The following GLIS3 variants were observed in gnomAD, a reference collection of about 807,000 sequenced individuals.
GLIS3 encodes the protein GLIS family zinc finger 3.
Under a neutral mutation model 78.6 loss-of-function variants are expected in GLIS3, and 53 were observed. The observed-to-expected ratio is 0.67, with a 90% confidence interval of 0.54 to 0.85. The LOEUF (loss-of-function observed/expected upper bound fraction) is 0.85, where lower values mean the gene tolerates loss of function less well. GLIS3 is among the 40% of genes least tolerant of loss of function. The pLI is 0.00. For missense variants in GLIS3, 1,703 were observed against 1,231.1 expected, an observed-to-expected ratio of 1.38 and a Z score of -5.74; for synonymous variants, 684 against 509.9, an observed-to-expected ratio of 1.34 and a Z score of -4.60.
chr9:4,282,564 C>G (rs530736556), intron 2 of GLIS3, among the ~76,000 whole-genome samples: 2 of 152,068 alleles, frequency 1.3e-5, no homozygotes, highest in African/African-American at 4.8e-5. Context: ...GATCTTGAGC[C>G]TGGCAGCCTT....
In GLIS3 at chr9:4,298,127, G is replaced by C. The variant is rs374635247; in HGVS notation, c.-99+1294C>G. ...TGCAACTCGCTCCTGAGTGAGTCGG[G>C]GGCCGAAAGGGTGCTGCGGCTGGGA... On this transcript the variant is annotated intron_variant, in intron 1 of 10. Coordinates refer to ENST00000381971, the MANE Select transcript of GLIS3 (RefSeq NM_001042413.2). Among the ~76,000 whole-genome samples, 150 of 152,234 alleles carry C rather than the reference G, an allele frequency of 9.9e-4. 1 individual carries two copies. The highest frequency in any genetic ancestry group is 1.4e-3 in the East Asian group (7 of 5,162).
intron 2 of GLIS3, among the ~76,000 whole-genome samples, chr9:4,210,934 T>G (rs940102039): frequency 1.3e-5 from 2 of 152,202 alleles, no homozygotes; most frequent in African/African-American, 4.8e-5. Context: ...CCTGACAGCT[T>G]TAGCTCCATG....
At chr9:4,080,401 G>A (rs1052022279) in intron 4 of GLIS3, among the ~76,000 whole-genome samples, 2 of 152,022 alleles carry the variant, frequency 1.3e-5, no homozygotes, top group African/African-American at 4.8e-5. Context: ...AAAACATTTT[G>A]ATGCAGTATT....
At chr9:4,155,363 T>C (rs769850360) in intron 2 of GLIS3, among the ~76,000 whole-genome samples, 7 of 152,216 alleles carry the variant, frequency 4.6e-5, no homozygotes, top group Non-Finnish European at 1.0e-4. Context: ...ACCCATTACA[T>C]GGCGCATTTT....
At chr9:4,385,609 G>A in the GLIS3 span, among the ~76,000 whole-genome samples, 1 of 144,156 alleles carries the variant, frequency 6.9e-6, no homozygotes, top group Non-Finnish European at 1.5e-5. Context: ...AGGTTTCAGT[G>A]AGCTGAGATC....
the GLIS3 span, among the ~76,000 whole-genome samples, chr9:4,436,984 A>C: frequency 6.6e-6 from 1 of 152,142 alleles, no homozygotes; most frequent in Non-Finnish European, 1.5e-5. Context: ...CTAAATCCAC[A>C]TAATAAAGAG....
intron 1 of GLIS3, among the ~76,000 whole-genome samples, chr9:4,294,764 G>A (rs570867093): frequency 8.5e-5 from 13 of 152,208 alleles, no homozygotes; most frequent in African/African-American, 2.4e-4. Context: ...TACACAGATT[G>A]TTTTACACCT....
At chr9:3,870,073 G>C (rs149425498) in intron 8 of GLIS3, among the ~76,000 whole-genome samples, 1 of 152,186 alleles carries the variant, frequency 6.6e-6, no homozygotes. Flanking sequence ...ACTGGTTTGG[G>C]TAGAGCTAAA....
intron 4 of GLIS3, among the ~76,000 whole-genome samples, chr9:4,025,932 A>G (rs946510701): frequency 1.3e-5 from 2 of 152,204 alleles, no homozygotes; most frequent in Non-Finnish European, 2.9e-5. Context: ...TAATAGAGAA[A>G]GAGACCTGGG....
intron 4 of GLIS3, among the ~76,000 whole-genome samples, chr9:3,986,838 G>C (rs1401054658): frequency 6.6e-6 from 1 of 152,152 alleles, no homozygotes; most frequent in Non-Finnish European, 1.5e-5. Flanking sequence ...AACTTAACAG[G>C]GTGTCTGCCT....
At chr9:3,931,604 G>T (rs375823804) in intron 6 of GLIS3, among the ~76,000 whole-genome samples, 2 of 152,150 alleles carry the variant, frequency 1.3e-5, no homozygotes, top group Non-Finnish European at 2.9e-5. Flanking sequence ...TAGTTACTAG[G>T]AAATGCCTTG....
chr9:4,249,309 T>C (rs774974715), intron 2 of GLIS3, among the ~76,000 whole-genome samples: 9 of 152,220 alleles, frequency 5.9e-5, no homozygotes, highest in Non-Finnish European at 1.2e-4. Flanking sequence ...GAGCAGTGGT[T>C]TGTAGTTCTC....
chr9:4,086,885 C>T (rs1829076606), intron 4 of GLIS3, among the ~76,000 whole-genome samples: 1 of 152,220 alleles, frequency 6.6e-6, no homozygotes, highest in Non-Finnish European at 1.5e-5. Context: ...GCATTCTCCA[C>T]AGTCTAACTG....
chr9:4,291,509 A>C (rs184175315), intron 1 of GLIS3, among the ~76,000 whole-genome samples: 23 of 152,294 alleles, frequency 1.5e-4, no homozygotes, highest in Admixed American at 9.2e-4. Flanking sequence ...ATAGAGTGAA[A>C]GGACTGGCCA....
At chr9:4,296,500 C>T (rs953916914) in intron 1 of GLIS3, among the ~76,000 whole-genome samples, 4 of 152,130 alleles carry the variant, frequency 2.6e-5, no homozygotes, top group Admixed American at 2.6e-4. Context: ...ATAAAGATTG[C>T]CTTTCTTATT....
rs1481771420 is a variant in GLIS3 at position 3,859,365 on chromosome 9, AC to A, written c.2298-3182del. Among the ~76,000 whole-genome samples the A allele has an allele frequency of 4.9e-3, 64 of 12,952 alleles. 1 individual carries two copies. The highest frequency in any genetic ancestry group is 0.023 in the Admixed American group (29 of 1,258). 8.5% of individuals were successfully genotyped at this position (12,952 alleles called of 152,430 possible). On this transcript the variant is annotated intron_variant, in intron 8 of 10. Transcript: ENST00000381971. ...GTTTCTTCGAAACACACACACACAC[AC>A]ACACACACACACACACACACACACA...
chr9:4,415,765 G>A, the GLIS3 span, among the ~76,000 whole-genome samples: 1 of 151,378 alleles, frequency 6.6e-6, no homozygotes, highest in Admixed American at 6.6e-5. Context: ...AAAAATCACA[G>A]ATCATATACA....
chr9:4,205,929 G>A (rs1224125761), intron 2 of GLIS3, among the ~76,000 whole-genome samples: 1 of 152,110 alleles, frequency 6.6e-6, no homozygotes, highest in Non-Finnish European at 1.5e-5. Flanking sequence ...GATCAGGTGT[G>A]GTCAACAGGA....
chr9:3,915,408 G>A (rs1824443567), intron 6 of GLIS3, among the ~76,000 whole-genome samples: 1 of 152,112 alleles, frequency 6.6e-6, no homozygotes, highest in Non-Finnish European at 1.5e-5. Context: ...CACAAGCACT[G>A]TCCAGGATTG....
Sources: allele counts gnomAD v4.1 joint callset (sites outside exome capture counted in the v4.1 genomes callset), GRCh38; gene constraint gnomAD v4.1.1; transcripts MANE v1.5; gene names NCBI Gene and HGNC (gene_info 2026-07-23, HGNC 2026-07-21).